WDR59: variants seen among roughly 807,000 people sequenced by gnomAD.
WDR59 encodes GATOR2 complex protein WDR59.
WDR59 carries 100 observed loss-of-function variants against 131.2 expected under a neutral mutation model. That is an observed-to-expected ratio of 0.76 (90% CI 0.65 to 0.90). The LOEUF is 0.90. Among genes scored for constraint, WDR59 ranks in the 40% least tolerant of loss-of-function variants. The pLI is 0.00. For synonymous variants in WDR59, 601 were observed against 466.2 expected (o/e 1.29, Z -3.72); for missense variants, 1,203 against 1,262.2 (o/e 0.95, Z 0.71).
intron 21 of WDR59, 44 bp downstream of exon 21, chr16:74,889,659 A>C (rs1964944414): frequency 6.5e-7 from 1 of 1,529,766 alleles, no homozygotes. Context: ...CAGACCAAAA[A>C]TGGACATCAC....
intron 14 of WDR59, among the ~76,000 whole-genome samples, chr16:74,911,497 G>A (rs1408645406): frequency 6.6e-6 from 1 of 152,142 alleles, no homozygotes; most frequent in Non-Finnish European, 1.5e-5. Flanking sequence ...AGACTGAACG[G>A]GTATGAAGAG....
chr16:74,984,843 C>G, intron 1 of WDR59, 121 bp downstream of exon 1: 2 of 1,426,884 alleles, frequency 1.4e-6, no homozygotes, highest in Non-Finnish European at 9.6e-7. Context: ...TAAGCCCCGC[C>G]CACCTCCTCA....
intron 3 of WDR59, among the ~76,000 whole-genome samples, chr16:74,954,153 A>C (rs1337101270): frequency 6.6e-6 from 1 of 152,198 alleles, no homozygotes; most frequent in Non-Finnish European, 1.5e-5. Context: ...TCATGCCTGT[A>C]ATCCAAGCAC....
At chr16:74,919,434 G>C (rs2029946094) in intron 10 of WDR59, among the ~76,000 whole-genome samples, 1 of 151,772 alleles carries the variant, frequency 6.6e-6, no homozygotes, top group African/African-American at 2.4e-5. Flanking sequence ...CCTGGTTCAG[G>C]AAATTCTCCT....
chr16:74,904,494 A>T (rs1000758107), intron 17 of WDR59: 1 of 198,494 alleles, frequency 5.0e-6, no homozygotes, highest in Admixed American at 5.6e-5. Flanking sequence ...TGTGCGTGAA[A>T]ATACAAAATG....
intron 8 of WDR59, among the ~76,000 whole-genome samples, chr16:74,930,581 T>A (rs930977236): frequency 4.6e-5 from 7 of 152,078 alleles, no homozygotes; most frequent in South Asian, 4.1e-4. Flanking sequence ...AAGTTTTTTT[T>A]AATTAATATA....
intron 8 of WDR59, among the ~76,000 whole-genome samples, chr16:74,927,388 G>C (rs1214991066): frequency 1.3e-5 from 2 of 151,950 alleles, no homozygotes; most frequent in East Asian, 3.9e-4. Context: ...AGGAGTTAAA[G>C]ACCACCCTGG....
chr16:74,921,736 T>C (rs1035212667), intron 10 of WDR59, among the ~76,000 whole-genome samples: 5 of 151,348 alleles, frequency 3.3e-5, no homozygotes, highest in Non-Finnish European at 7.4e-5. Context: ...ACGCTGACAA[T>C]TGTGGAAGAG....
At chr16:74,951,426 C>T (rs759811299) in intron 4 of WDR59, 32 bp downstream of exon 4, 52 of 1,568,748 alleles carry the variant, frequency 3.3e-5, no homozygotes, top group African/African-American at 5.4e-5. Context: ...CAAAGCAAGA[C>T]AGCCAAAGAG....
chr16:74,922,363 C>T (rs2030328855), intron 9 of WDR59, among the ~76,000 whole-genome samples: 1 of 152,164 alleles, frequency 6.6e-6, no homozygotes, highest in Non-Finnish European at 1.5e-5. Flanking sequence ...CTAAAATAAG[C>T]AAATGGTACT....
rs6564186 is a variant in WDR59 at position 74,953,209 on chromosome 16, T to A, written c.241-1666A>T. The stretch of plus-strand genomic sequence containing the variant: ...CCTTCCAGCCAGGGGCAGTGGCTCA[T>A]GCCTGTAATCCCAGCACTTTGGGAA... On this transcript the variant is annotated intron_variant, in intron 3 of 25. Transcript: ENST00000262144. Among the ~76,000 whole-genome samples, 349 of 152,090 alleles carry A rather than the reference T, an allele frequency of 2.3e-3. 2 individuals carry two copies. The highest frequency in any genetic ancestry group is 3.4e-3 in the Non-Finnish European group (232 of 67,982).
At chr16:74,942,975 A>G in intron 6 of WDR59, 149 bp from the exon 7 acceptor site, 1 of 668,436 alleles carries the variant, frequency 1.5e-6, no homozygotes, top group South Asian at 1.7e-5. Flanking sequence ...CCACTATTCC[A>G]GATAAAATGA....
At chr16:74,876,329 A>C (rs1368096234) in intron 25 of WDR59, among the ~76,000 whole-genome samples, 1 of 152,312 alleles carries the variant, frequency 6.6e-6, no homozygotes, top group East Asian at 1.9e-4. Context: ...AACTTTGGTT[A>C]TGTTCTCATG....
At chr16:74,954,251 A>T (rs2033167156) in intron 3 of WDR59, among the ~76,000 whole-genome samples, 1 of 151,696 alleles carries the variant, frequency 6.6e-6, no homozygotes, top group Non-Finnish European at 1.5e-5. Context: ...TCTACTAAAA[A>T]TACAAAATTA....
In WDR59 at chr16:74,970,495, C is replaced by CAAAAAAAAAAAAAAAAAA. The variant is rs746574195; in HGVS notation, c.55-4691_55-4674dup. On this transcript the variant is annotated intron_variant, in intron 1 of 25. Transcript: ENST00000262144. ...GGGTGACAGAGAGAGACTCTGTCTC[C>CAAAAAAAAAAAAAAAAAA]AAAAAAAAAAAAAAAAAAAAAAAAA... Among the ~76,000 whole-genome samples, 39 of 33,382 alleles carry CAAAAAAAAAAAAAAAAAA rather than the reference C, an allele frequency of 1.2e-3. 4 individuals carry two copies. The highest frequency in any genetic ancestry group is 1.8e-3 in the Non-Finnish European group (28 of 15,654). 21.9% of individuals were successfully genotyped at this position (33,382 alleles called of 152,430 possible).
chr16:74,960,306 G>A (rs1482850726), intron 2 of WDR59, among the ~76,000 whole-genome samples: 1 of 151,680 alleles, frequency 6.6e-6, no homozygotes, highest in Non-Finnish European at 1.5e-5. Context: ...ACTCCAGCTT[G>A]GGCAACAGAG....
At chr16:74,906,144 C>G (rs1323990678) in intron 17 of WDR59, among the ~76,000 whole-genome samples, 3 of 151,178 alleles carry the variant, frequency 2.0e-5, no homozygotes, top group African/African-American at 7.3e-5. Context: ...GAAACATGGT[C>G]TCTACTAAAA....
At chr16:74,960,121 G>C (rs1225060549) in intron 2 of WDR59, among the ~76,000 whole-genome samples, 1 of 151,834 alleles carries the variant, frequency 6.6e-6, no homozygotes, top group Non-Finnish European at 1.5e-5. Context: ...CCTGAGCTCA[G>C]GGGCTTGAGA....
chr16:74,945,453 G>A (rs539688215), intron 6 of WDR59, among the ~76,000 whole-genome samples: 10 of 151,844 alleles, frequency 6.6e-5, no homozygotes. Flanking sequence ...CTCCAGCCTG[G>A]GCAACAGAGC....
Sources: allele counts gnomAD v4.1 joint callset (sites outside exome capture counted in the v4.1 genomes callset), GRCh38; gene constraint gnomAD v4.1.1; transcripts MANE v1.5; gene names NCBI Gene and HGNC (gene_info 2026-07-23, HGNC 2026-07-21).